The following SPAG9 variants were observed in gnomAD, a reference collection of about 807,000 sequenced individuals.
The protein encoded by SPAG9 is C-Jun-amino-terminal kinase-interacting protein 4.
A neutral mutation model predicts 166.5 loss-of-function variants in SPAG9; 35 were observed. That is an observed-to-expected ratio of 0.21 (90% confidence interval 0.16 to 0.28). The LOEUF is 0.28. Among genes scored for constraint, SPAG9 ranks in the 10% least tolerant of loss-of-function variants. SPAG9 has a pLI of 1.00. For synonymous variants in SPAG9, 534 were observed against 565.5 expected, an observed-to-expected ratio of 0.94 and a Z score of 0.79; for missense variants, 1,235 against 1,603.3, an observed-to-expected ratio of 0.77 and a Z score of 3.92.
chr17:51,048,466 T>G (rs2047091784), intron 3 of SPAG9, among the ~76,000 whole-genome samples: 1 of 152,028 alleles, frequency 6.6e-6, no homozygotes, highest in South Asian at 2.1e-4. Flanking sequence ...TTAATGTCCC[T>G]TCTCACCATT....
Position 51,113,486 on chromosome 17 carries a change from C to T in SPAG9, c.303+6868G>A, listed in dbSNP as rs9904771. Among the ~76,000 whole-genome samples the T allele has an allele frequency of 6.4e-3, 971 of 151,664 alleles. 6 individuals are homozygous for T. Among genetic ancestry groups the T allele is most frequent in the African/African-American group, 0.022 (920 of 41,330 alleles). On this transcript the variant is annotated intron_variant, in intron 1 of 29. Coordinates refer to ENST00000262013, the MANE Select transcript of SPAG9 (RefSeq NM_001130528.3). ...CCTGAGGTTAGGAGTTCAATACCAG[C>T]CTGGACAACATGGTAAAACCCCATC...
intron 5 of SPAG9, among the ~76,000 whole-genome samples, chr17:51,035,609 T>A (rs944545421): frequency 6.6e-6 from 1 of 152,228 alleles, no homozygotes; most frequent in Admixed American, 6.5e-5. Flanking sequence ...CTGTTCTGCA[T>A]GCTAAGCACA....
Position 50,962,402 on chromosome 17 carries a change from G to A in SPAG9, c.*3870C>T, listed in dbSNP as rs1197625451. ...TGATAGAATGTCTTGGACAAAAAAC[G>A]AATTTGGAACATAAAATGGTTAAGA... On this transcript the variant is annotated 3_prime_UTR_variant, in exon 30 of 30. Transcript: ENST00000262013. 2.6e-5 allele frequency: 4 copies of A among 152,090 alleles called. No homozygotes were observed. Among genetic ancestry groups the A allele is most frequent in the African/African-American group, 4.8e-5 (2 of 41,408 alleles). The allele number at this position is 152,090 out of a possible 1,614,324, so 9.4% of individuals were successfully genotyped here. A position where few individuals can be genotyped will look rare whatever the true frequency, so the allele number is the denominator to read the frequency against.
chr17:51,034,557 A>G (rs1481463179), intron 5 of SPAG9, among the ~76,000 whole-genome samples: 1 of 152,200 alleles, frequency 6.6e-6, no homozygotes, highest in East Asian at 1.9e-4. Context: ...CAAAGAAATG[A>G]TAGGTTCGCA....
chr17:51,027,452 C>A (rs1028876487), intron 6 of SPAG9, among the ~76,000 whole-genome samples: 3 of 151,332 alleles, frequency 2.0e-5, no homozygotes, highest in East Asian at 3.9e-4. Context: ...AAAAAAAAAT[C>A]ATTGACCTGT....
chr17:51,030,100 A>G (rs778826701), intron 6 of SPAG9, among the ~76,000 whole-genome samples: 1 of 152,208 alleles, frequency 6.6e-6, no homozygotes, highest in Non-Finnish European at 1.5e-5. Context: ...CTAAAAGTCT[A>G]TAAGCTCTTC....
rs542532223 is a variant in SPAG9 at position 51,012,008 on chromosome 17, G to A, written c.1213+2224C>T. Among the ~76,000 whole-genome samples, 15 of 152,234 alleles carry A rather than the reference G, an allele frequency of 9.9e-5. No homozygotes were observed. In the South Asian group the frequency reaches 3.1e-3, roughly 32 times the overall value. On this transcript the variant is annotated intron_variant, in intron 9 of 29. Coordinates refer to ENST00000262013, the MANE Select transcript of SPAG9 (RefSeq NM_001130528.3). ...TTACTGCATTATGAGGTAACACAGT[G>A]TACAAATTATATTCAGAATTACTTC...
In SPAG9 at chr17:50,996,548, CCA is replaced by C. The variant is rs1491183263; in HGVS notation, c.1968+15_1968+16del. The C allele has an allele frequency of 1.9e-6, 3 of 1,613,842 alleles. No individual in the cohort carries two copies. The Admixed American group carries it at 5.0e-5, about 27-fold the overall frequency. On this transcript the variant is annotated intron_variant, in intron 16 of 29. Transcript: ENST00000262013. ...TCTTCTTTCCTGCTGGATGCTCTTA[CCA>C]CATGTGCATATTACCTGTTTGTACT... is the stretch of plus-strand genomic sequence containing the variant.
At chr17:51,023,071 G>T (rs916007909) in intron 6 of SPAG9, among the ~76,000 whole-genome samples, 2 of 148,982 alleles carry the variant, frequency 1.3e-5, no homozygotes, top group African/African-American at 4.9e-5. Context: ...TTTATCATCT[G>T]TAAAATATAG....
chr17:50,974,426 A>G (rs1053341745), intron 28 of SPAG9, among the ~76,000 whole-genome samples: 1 of 152,186 alleles, frequency 6.6e-6, no homozygotes, highest in Non-Finnish European at 1.5e-5. Context: ...TCCTCCATGC[A>G]GCCTTGATGA....
intron 1 of SPAG9, among the ~76,000 whole-genome samples, chr17:51,082,247 C>T (rs547103446): frequency 1.3e-5 from 2 of 151,338 alleles, no homozygotes; most frequent in Non-Finnish European, 3.0e-5. Flanking sequence ...TGGTGGTGCA[C>T]GCCTGTAATC....
chr17:51,020,186 T>C lies in SPAG9; in HGVS notation c.1064A>G (p.Lys355Arg), dbSNP rs1191260468. The stretch of plus-strand genomic sequence containing the variant: ...TGAACCTTTATATCCACTGAGATCT[T>C]TGTCCATATCCAGCTCAGGAGTAGA... ...IESTPELDMD[K>R]DLSGYKGSST... Residue 355 changes from lysine (K) to arginine (R), a missense_variant, in exon 8 of 30, where the codon AAA (lysine) becomes AGA (arginine). Physicochemically the swap from Lys to Arg is conservative, Grantham distance 26 (BLOSUM62 2). Transcript: ENST00000262013. 1 of 1,612,816 alleles carries C rather than the reference T, an allele frequency of 6.2e-7. No homozygotes were observed. Among genetic ancestry groups the C allele is most frequent in the Non-Finnish European group, 8.5e-7 (1 of 1,178,828 alleles).
Position 51,059,837 on chromosome 17 carries a change from A to T in SPAG9, c.425-3355T>A, listed in dbSNP as rs902927164. The stretch of plus-strand genomic sequence containing the variant: ...TCTCACCACTTTTACCACCTTCATC[A>T]CTCTCACTTTGACCCAAGACATCAT... On this transcript the variant is annotated intron_variant, in intron 2 of 29. Transcript: ENST00000262013. Among the ~76,000 whole-genome samples the T allele has an allele frequency of 9.2e-5, 14 of 151,622 alleles. 1 individual carries two copies. The highest frequency in any genetic ancestry group is 3.4e-4 in the African/African-American group (14 of 41,358).
chr17:51,048,958 A>G (rs753496866), intron 3 of SPAG9, among the ~76,000 whole-genome samples: 4 of 152,202 alleles, frequency 2.6e-5, no homozygotes, highest in Non-Finnish European at 5.9e-5. Context: ...ATCTATCAGC[A>G]AGTCAGAAAT....
chr17:50,994,340 G>A (rs2143870282), intron 18 of SPAG9, among the ~76,000 whole-genome samples: 1 of 152,256 alleles, frequency 6.6e-6, no homozygotes, highest in Middle Eastern at 3.4e-3. Flanking sequence ...CTCCCCAGAG[G>A]TTACCTATGT....
At chr17:50,973,876 A>C (rs1268430000) in intron 28 of SPAG9, among the ~76,000 whole-genome samples, 1 of 152,216 alleles carries the variant, frequency 6.6e-6, no homozygotes, top group African/African-American at 2.4e-5. Context: ...CCTGCCCTGC[A>C]GATTTCAGAC....
intron 1 of SPAG9, among the ~76,000 whole-genome samples, chr17:51,089,340 C>T (rs1389101235): frequency 6.7e-6 from 1 of 149,138 alleles, no homozygotes; most frequent in African/African-American, 2.5e-5. Context: ...AGGAGAATCA[C>T]TTGAACCCAA....
chr17:50,972,271 T>C (rs560911076), intron 28 of SPAG9, among the ~76,000 whole-genome samples: 21 of 152,364 alleles, frequency 1.4e-4, no homozygotes, highest in African/African-American at 5.0e-4. Flanking sequence ...TGAAAAGGAA[T>C]GTGCTTATTT....
intron 26 of SPAG9, among the ~76,000 whole-genome samples, chr17:50,977,774 T>C (rs1974305224): frequency 6.6e-6 from 1 of 152,030 alleles, no homozygotes; most frequent in Non-Finnish European, 1.5e-5. Context: ...GTCCCAGCTA[T>C]GTGGGAGGCT....
Sources: allele counts gnomAD v4.1 joint callset (sites outside exome capture counted in the v4.1 genomes callset), GRCh38; gene constraint gnomAD v4.1.1; transcripts MANE v1.5; gene names NCBI Gene and HGNC (gene_info 2026-07-23, HGNC 2026-07-21).